Variants in PURG observed in about 807,000 individuals in gnomAD.
The protein encoded by PURG is purine-rich element-binding protein gamma.
A neutral mutation model predicts 24.3 loss-of-function variants in PURG; 3 were observed. That is an observed-to-expected ratio of 0.12 (90% CI 0.06 to 0.32). The LOEUF (loss-of-function observed/expected upper bound fraction) is 0.32, where lower values mean the gene tolerates loss of function less well. Among genes scored for constraint, PURG ranks in the 10% least tolerant of loss-of-function variants. The probability of loss-of-function intolerance (pLI) is 1.00; values close to 1 mark genes in which losing one functional copy is unlikely to be tolerated. For synonymous variants in PURG, 180 were observed against 173.1 expected, an observed-to-expected ratio of 1.04 and a Z score of -0.31; for missense variants, 371 against 439.1, an observed-to-expected ratio of 0.84 and a Z score of 1.39.
intron 1 of PURG, among the ~76,000 whole-genome samples, chr8:31,006,206 G>A (rs10087241): frequency 0.57 from 86,667 of 152,008 alleles, 25,519 homozygotes; most frequent in East Asian, 0.96. Context: ...CTAAAAATAA[G>A]TAAGTGAGAA....
chr8:30,997,238 A>T (rs979763242), intron 1 of PURG, among the ~76,000 whole-genome samples: 4 of 151,858 alleles, frequency 2.6e-5, no homozygotes, highest in African/African-American at 9.7e-5. Context: ...TAGGACCAAC[A>T]TCTTTCAGAA....
intron 1 of PURG, among the ~76,000 whole-genome samples, chr8:31,005,712 G>T (rs1477314231): frequency 6.6e-6 from 1 of 150,910 alleles, no homozygotes; most frequent in African/African-American, 2.4e-5. Flanking sequence ...AAAATGCATT[G>T]TAATGAAACA....
At chr8:31,030,257 A>G (rs1482353031), downstream of PURG, among the ~76,000 whole-genome samples, 2 of 152,060 alleles carry the variant, frequency 1.3e-5, no homozygotes, top group Non-Finnish European at 2.9e-5. Context: ...CATCAATGAG[A>G]GTGATATTTG....
Position 31,033,106 on chromosome 8 carries a change from A to G in PURG, c.-35T>C. 4.6e-6 allele frequency: 1 copy of G among 215,452 alleles called. No homozygotes were observed. 13.3% of individuals were successfully genotyped at this position (215,452 alleles called of 1,614,324 possible). A position where few individuals can be genotyped will look rare whatever the true frequency, so the allele number is the denominator to read the frequency against. Reference sequence around the variant, plus strand: ...ATCTCTGCCATCACCGCCGCCGCCGATGCCCTTCACGACCACCGCCGCCGC... The same window carrying G: ...ATCTCTGCCATCACCGCCGCCGCCGGTGCCCTTCACGACCACCGCCGCCGC... On this transcript the variant is annotated 5_prime_UTR_variant, in exon 1 of 2. Transcript: ENST00000523392.
downstream of PURG, among the ~76,000 whole-genome samples, chr8:31,030,233 A>G (rs1017575945): frequency 3.3e-5 from 5 of 152,056 alleles, no homozygotes; most frequent in Non-Finnish European, 7.4e-5. Context: ...ATTTGAATCC[A>G]TGCAGCCAGC....
intron 1 of PURG, among the ~76,000 whole-genome samples, chr8:31,008,602 G>T (rs1026060729): frequency 1.3e-5 from 2 of 152,182 alleles, no homozygotes; most frequent in Admixed American, 6.5e-5. Flanking sequence ...GCACCTGGTT[G>T]CATTTAACTT....
At chr8:31,024,665 T>C (rs926300385) in intron 1 of PURG, among the ~76,000 whole-genome samples, 2 of 152,108 alleles carry the variant, frequency 1.3e-5, no homozygotes, top group African/African-American at 4.8e-5. Context: ...TTCTGTATTA[T>C]CCAAGAGAAC....
At chr8:31,023,291 A>G (rs530762844) in intron 1 of PURG, among the ~76,000 whole-genome samples, 1 of 152,352 alleles carries the variant, frequency 6.6e-6, no homozygotes, top group South Asian at 2.1e-4. Flanking sequence ...TCCGTAATGG[A>G]ATTTATGTGC....
intron 1 of PURG, among the ~76,000 whole-genome samples, chr8:31,001,610 C>T (rs1414146832): frequency 1.3e-5 from 2 of 152,138 alleles, no homozygotes; most frequent in Non-Finnish European, 2.9e-5. Context: ...AAATGGTTAG[C>T]TCATACCACA....
At chr8:31,007,723 G>A (rs1489185629) in intron 1 of PURG, among the ~76,000 whole-genome samples, 1 of 152,044 alleles carries the variant, frequency 6.6e-6, no homozygotes, top group Non-Finnish European at 1.5e-5. Context: ...CAAAATCGAT[G>A]GTAGATCTAG....
chr8:31,001,802 A>G (rs879266767), intron 1 of PURG, among the ~76,000 whole-genome samples: 1 of 152,182 alleles, frequency 6.6e-6, no homozygotes, highest in East Asian at 1.9e-4. Flanking sequence ...ATAGGGTAGT[A>G]TTACTCACTC....
intron 1 of PURG, among the ~76,000 whole-genome samples, chr8:31,006,395 C>T (rs1341937223): frequency 2.6e-5 from 4 of 152,000 alleles, no homozygotes; most frequent in Non-Finnish European, 5.9e-5. Context: ...GAGATTGAGA[C>T]GAGCCATGGC....
downstream of PURG, among the ~76,000 whole-genome samples, chr8:31,029,105 A>G (rs1811142127): frequency 6.6e-6 from 1 of 151,916 alleles, no homozygotes; most frequent in South Asian, 2.1e-4. Flanking sequence ...ATGGCAATAC[A>G]TGTCCTAAGA....
chr8:31,019,486 A>G (rs1442706271), intron 1 of PURG, among the ~76,000 whole-genome samples: 1 of 150,994 alleles, frequency 6.6e-6, no homozygotes, highest in African/African-American at 2.4e-5. Context: ...GGAGCCTGCC[A>G]ACACGCCTGG....
chr8:31,001,027 T>C (rs1285347745), intron 1 of PURG, among the ~76,000 whole-genome samples: 1 of 152,222 alleles, frequency 6.6e-6, no homozygotes, highest in African/African-American at 2.4e-5. Flanking sequence ...AGCATTTAAA[T>C]ATTGGAGAAA....
intron 1 of PURG, among the ~76,000 whole-genome samples, chr8:31,022,199 G>C (rs1389506366): frequency 6.6e-6 from 1 of 152,138 alleles, no homozygotes; most frequent in East Asian, 1.9e-4. Flanking sequence ...TTGAACTCCT[G>C]AACTTAAGTG....
At chr8:31,022,656 G>A (rs896375667) in intron 1 of PURG, among the ~76,000 whole-genome samples, 4 of 152,204 alleles carry the variant, frequency 2.6e-5, no homozygotes, top group Non-Finnish European at 5.9e-5. Flanking sequence ...AGGGAAGAAG[G>A]AAAGAGGATT....
intron 1 of PURG, among the ~76,000 whole-genome samples, chr8:31,024,158 A>C (rs554704671): frequency 6.6e-6 from 1 of 152,354 alleles, no homozygotes; most frequent in Non-Finnish European, 1.5e-5. Context: ...TGTGTGGCTA[A>C]AGAAATACAT....
At chr8:30,996,442 T>G in exon 2 of PURG, 1 of 525,436 alleles carries the variant, frequency 1.9e-6, no homozygotes, top group South Asian at 3.3e-5. Context: ...CAACATAAGA[T>G]CAGTTTGGAA....
Sources: gnomAD v4.1 joint callset for allele counts (sites outside exome capture counted in the v4.1 genomes callset) on GRCh38, gnomAD v4.1.1 for gene constraint, MANE v1.5 for transcripts, NCBI Gene and HGNC (gene_info 2026-07-23, HGNC 2026-07-21) for gene names.